HSPBAP1: variants seen among roughly 807,000 people sequenced by gnomAD.
HSPBAP1 encodes the protein HSPB1 associated protein 1.
Under a neutral mutation model 45.2 loss-of-function variants are expected in HSPBAP1, and 27 were observed. That is an observed-to-expected ratio of 0.60 (90% confidence interval 0.44 to 0.82). The LOEUF (loss-of-function observed/expected upper bound fraction) is 0.82, where lower values mean the gene tolerates loss of function less well. HSPBAP1 is among the 40% of genes least tolerant of loss of function. The pLI is 0.00. For synonymous variants in HSPBAP1, 204 were observed against 202.7 expected, an observed-to-expected ratio of 1.01 and a Z score of -0.06; for missense variants, 510 against 590.9, an observed-to-expected ratio of 0.86 and a Z score of 1.42.
At position 122,763,573 on chromosome 3, in the gene HSPBAP1, TAAGC is replaced by T. The variant is rs1305071550; in HGVS notation, c.433-4217_433-4214del. ...CAGTGCAAATGTCAACACTGTGAAA[TAAGC>T]AAGTATCATCTTAGAAGTATTATGA... On this transcript the variant is annotated intron_variant, in intron 3 of 7. Transcript: ENST00000306103. 6.6e-5 allele frequency among the ~76,000 whole-genome samples: 10 copies of T among 152,240 alleles called. No homozygotes were observed. The East Asian group carries it at 1.9e-3, about 29-fold the overall frequency.
intron 3 of HSPBAP1, chr3:122,761,959 T>A (rs1344216730): frequency 6.6e-6 from 1 of 152,154 alleles, no homozygotes; most frequent in Non-Finnish European, 1.5e-5. Flanking sequence ...GGAGGCCCTG[T>A]TTGAGTGCTG....
At chr3:122,778,056 C>T (rs1935248199) in intron 1 of HSPBAP1, 150 bp from the exon 2 acceptor site, 1 of 621,182 alleles carries the variant, frequency 1.6e-6, no homozygotes, top group East Asian at 2.8e-5. Context: ...TGTTTATATA[C>T]ACATGTGGCC....
chr3:122,785,740 C>T (rs1043845961), intron 1 of HSPBAP1, among the ~76,000 whole-genome samples: 12 of 152,060 alleles, frequency 7.9e-5, no homozygotes, highest in Non-Finnish European at 1.8e-4. Flanking sequence ...TTCTACTTAC[C>T]CAATACTCAT....
chr3:122,789,228 T>C (rs1382096841), intron 1 of HSPBAP1, among the ~76,000 whole-genome samples: 1 of 152,198 alleles, frequency 6.6e-6, no homozygotes, highest in Admixed American at 6.5e-5. Context: ...ATCAATTCCA[T>C]ACAACTCTAG....
In HSPBAP1 at chr3:122,777,800, G is replaced by C. The variant is rs1935237083; in HGVS notation, c.171C>G (p.His57Gln). The C allele has an allele frequency of 6.2e-7, 1 of 1,613,888 alleles. No individual in the cohort carries two copies. The highest frequency in any genetic ancestry group is 8.5e-7 in the Non-Finnish European group (1 of 1,179,896). Reference protein sequence around the residue: ...CNMVFDWPARHWNAKYLSQVL... With the variant: ...CNMVFDWPARQWNAKYLSQVL... ...CCTGCGAAAGGTATTTAGCATTCCA[G>C]TGTCGTGCTGGCCAATCAAACACCA... The change falls in exon 2 of 8, where the codon CAC (histidine) becomes CAG (glutamine). Residue 57 changes from histidine to glutamine, a missense_variant. His to Gln is a conservative substitution (Grantham distance 24). Transcript: ENST00000306103.
In HSPBAP1 at chr3:122,740,229, T is replaced by C. The variant is rs145541080; in HGVS notation, c.*116A>G. 289 of 623,268 alleles carry C rather than the reference T, an allele frequency of 4.6e-4. No individual in the cohort carries two copies. The highest frequency in any genetic ancestry group is 7.1e-4 in the Non-Finnish European group (281 of 397,544). 38.6% of individuals were successfully genotyped at this position (623,268 alleles called of 1,614,324 possible). On this transcript the variant is annotated 3_prime_UTR_variant, in exon 8 of 8. Coordinates refer to ENST00000306103, the MANE Select transcript of HSPBAP1 (RefSeq NM_024610.6). ...AGACTGACATGTAATTCGGTAAGGA[T>C]AAATACATTTACAAATGTGCAAACT...
intron 4 of HSPBAP1, 28 bp downstream of exon 4, chr3:122,759,184 TCCACACACACAC>T: frequency 8.5e-6 from 6 of 705,656 alleles, no homozygotes; most frequent in Non-Finnish European, 1.3e-5. Context: ...ACATGTGCGT[TCCACACACACAC>T]ACACACACAC....
chr3:122,780,608 C>T (rs1262779146), intron 1 of HSPBAP1, among the ~76,000 whole-genome samples: 5 of 146,644 alleles, frequency 3.4e-5, no homozygotes, highest in African/African-American at 1.0e-4. Context: ...GGGGGGCTGA[C>T]CCCCCCACAT....
rs866128988 is a variant in HSPBAP1 at position 122,779,293 on chromosome 3, G to A, written c.65-1387C>T. ...CCTGACCTCGTGATCCACCTGCCTC[G>A]ACCTCCCGTAGTGCTGGGATTACAG... On this transcript the variant is annotated intron_variant, in intron 1 of 7. Coordinates refer to ENST00000306103, the MANE Select transcript of HSPBAP1 (RefSeq NM_024610.6). Among the ~76,000 whole-genome samples, 59 of 151,168 alleles carry A rather than the reference G, an allele frequency of 3.9e-4. 1 individual carries two copies. Among genetic ancestry groups the A allele is most frequent in the African/African-American group, 1.4e-3 (56 of 41,148 alleles).
chr3:122,743,389 A>G lies in HSPBAP1; in HGVS notation c.826-2276T>C, dbSNP rs1933735445. 2.6e-5 allele frequency among the ~76,000 whole-genome samples: 4 copies of G among 152,108 alleles called. No individual in the cohort carries two copies. The South Asian group carries it at 8.3e-4, about 32-fold the overall frequency. ...GTTCGAGACCAGCTTCAACTTGGAG[A>G]AACCCCGTCTCTACTAAAAATACAA... On this transcript the variant is annotated intron_variant, in intron 6 of 7. Coordinates refer to ENST00000306103, the MANE Select transcript of HSPBAP1 (RefSeq NM_024610.6).
chr3:122,763,471 T>A (rs1934671049), intron 3 of HSPBAP1, among the ~76,000 whole-genome samples: 2 of 152,110 alleles, frequency 1.3e-5, no homozygotes, highest in Non-Finnish European at 2.9e-5. Flanking sequence ...TGTTTTTTTT[T>A]AATACAATAC....
intron 3 of HSPBAP1, among the ~76,000 whole-genome samples, chr3:122,765,968 A>C (rs1934764411): frequency 6.6e-6 from 1 of 152,222 alleles, no homozygotes; most frequent in Admixed American, 6.5e-5. Flanking sequence ...TGTTATTAAT[A>C]AATACTCCTC....
chr3:122,751,767 T>C (rs1934153948), intron 6 of HSPBAP1, among the ~76,000 whole-genome samples: 1 of 152,178 alleles, frequency 6.6e-6, no homozygotes, highest in Non-Finnish European at 1.5e-5. Context: ...CTGCCATACC[T>C]CTCACTTAAG....
At chr3:122,772,669 G>C (rs1396663821) in intron 2 of HSPBAP1, among the ~76,000 whole-genome samples, 1 of 151,318 alleles carries the variant, frequency 6.6e-6, no homozygotes, top group Non-Finnish European at 1.5e-5. Context: ...TAATCAATTA[G>C]AAAAAAATTA....
chr3:122,752,828 G>A lies in HSPBAP1; in HGVS notation c.742-154C>T, dbSNP rs182146199. The A allele has an allele frequency of 7.1e-5, 99 of 1,388,922 alleles. 1 individual carries two copies. In the East Asian group the frequency reaches 1.6e-3, roughly 23 times the overall value. 86.0% of individuals were successfully genotyped at this position (1,388,922 alleles called of 1,614,324 possible). On this transcript the variant is annotated intron_variant, in intron 5 of 7. Transcript: ENST00000306103. ...AAAGTAAAGTAAGAAAAAAAACCCC[G>A]CAAACCTTTTTTCCTTTTATTCCTT...
chr3:122,749,119 CATAT>C (rs1421436136), intron 6 of HSPBAP1, among the ~76,000 whole-genome samples: 3 of 151,228 alleles, frequency 2.0e-5, no homozygotes, highest in Admixed American at 6.6e-5. Flanking sequence ...TACTTATTTA[CATAT>C]ATAAATATAT....
At position 122,780,189 on chromosome 3, in the gene HSPBAP1, A is replaced by AC. The variant is rs1436128317; in HGVS notation, c.65-2284dup. On this transcript the variant is annotated intron_variant, in intron 1 of 7. Transcript: ENST00000306103. ...GGGCGGCTGGCCGGGCGGGGGGCTG[A>AC]CCCCCCCACCTCCCTCCCGGACGGG... is the stretch of plus-strand genomic sequence containing the variant. Among the ~76,000 whole-genome samples the AC allele has an allele frequency of 2.9e-3, 173 of 60,510 alleles. 22 individuals carry two copies. Among genetic ancestry groups the AC allele is most frequent in the Middle Eastern group, 0.023 (2 of 88 alleles). 39.7% of individuals were successfully genotyped at this position (60,510 alleles called of 152,430 possible). A position where few individuals can be genotyped will look rare whatever the true frequency, so the allele number is the denominator to read the frequency against.
intron 1 of HSPBAP1, among the ~76,000 whole-genome samples, chr3:122,790,892 A>C (rs1023924031): frequency 2.6e-5 from 4 of 152,212 alleles, no homozygotes; most frequent in Admixed American, 2.0e-4. Context: ...CATTGTACTG[A>C]ACATACTGAC....
At chr3:122,758,644 A>G in intron 4 of HSPBAP1, 1 of 433,804 alleles carries the variant, frequency 2.3e-6, no homozygotes, top group South Asian at 1.6e-5. Context: ...GGCTGGGCAT[A>G]GTGGCTCACA....
Sources: allele counts gnomAD v4.1 joint callset (sites outside exome capture counted in the v4.1 genomes callset), GRCh38; gene constraint gnomAD v4.1.1; transcripts MANE v1.5; gene names NCBI Gene and HGNC (gene_info 2026-07-23, HGNC 2026-07-21).